VAV1: variants seen among roughly 807,000 people sequenced by gnomAD.
VAV1 encodes proto-oncogene vav.
Under a neutral mutation model 128.1 loss-of-function variants are expected in VAV1, and 33 were observed. The observed-to-expected ratio is 0.26, with a 90% CI of 0.20 to 0.34. VAV1 has a LOEUF of 0.34. Ranked by LOEUF, VAV1 falls within the 10% of genes least tolerant of loss-of-function variation. VAV1 has a pLI of 1.00. For synonymous variants in VAV1, 394 were observed against 409.8 expected, an observed-to-expected ratio of 0.96 and a Z score of 0.47; for missense variants, 715 against 1,093.7, an observed-to-expected ratio of 0.65 and a Z score of 4.88.
rs370716087 is a variant in VAV1 at position 6,820,770 on chromosome 19, C to G, written c.273C>G (p.Ser91Arg). Residue 91 changes from serine to arginine, a missense_variant, in exon 2 of 27, where the codon AGC becomes AGG. Physicochemically the swap from Ser to Arg is moderately radical, Grantham distance 110 (BLOSUM62 -1). Transcript: ENST00000602142. This position sits in a 1 kb window ranked among gnomAD's most constrained non-coding sequence, Gnocchi z 4.4. ...TCCEKFGLKR[S>R]ELFEAFDLFD... ...GTGAGAAGTTCGGCCTCAAGCGGAG[C>G]GAGCTCTTCGAAGCCTTTGACCTCT... 1 of 1,614,078 alleles carries G rather than the reference C, an allele frequency of 6.2e-7. No homozygotes were observed. The highest frequency in any genetic ancestry group is 1.7e-5 in the Admixed American group (1 of 59,996).
chr19:6,822,622 C>T lies in VAV1; in HGVS notation c.654+108C>T. 2.2e-6 allele frequency: 2 copies of T among 924,918 alleles called. No homozygotes were observed. Among genetic ancestry groups the T allele is most frequent in the Non-Finnish European group, 3.2e-6 (2 of 624,938 alleles). 57.3% of individuals were successfully genotyped at this position (924,918 alleles called of 1,614,324 possible). On this transcript the variant is annotated intron_variant, in intron 6 of 26. Transcript: ENST00000602142. The surrounding 1 kb of genome is among the most constrained non-coding windows in gnomAD (Gnocchi z 5.9). ...TGGGCAGCTGAGGATTTCCTGCTCCCATCGCTTTTCCTTTCTGTGACTGTC... is the reference window on the plus strand; with the variant it reads ...TGGGCAGCTGAGGATTTCCTGCTCCTATCGCTTTTCCTTTCTGTGACTGTC...
intron 21 of VAV1, among the ~76,000 whole-genome samples, chr19:6,838,176 C>G (rs1351282535): frequency 6.8e-6 from 1 of 147,454 alleles, no homozygotes; most frequent in Non-Finnish European, 1.5e-5. Flanking sequence ...TATCTATTTA[C>G]CTATCATCTA....
intron 1 of VAV1, among the ~76,000 whole-genome samples, chr19:6,791,958 T>A (rs1971028073): frequency 1.3e-5 from 2 of 150,480 alleles, no homozygotes; most frequent in Non-Finnish European, 3.0e-5. Flanking sequence ...AAGAATGAGG[T>A]TTGGGAGGAA....
intron 1 of VAV1, among the ~76,000 whole-genome samples, chr19:6,816,091 C>T (rs1361987227): frequency 6.7e-6 from 1 of 149,730 alleles, no homozygotes; most frequent in Non-Finnish European, 1.5e-5. Context: ...GCAATCTCGG[C>T]TCACTGCAAG....
intron 21 of VAV1, among the ~76,000 whole-genome samples, chr19:6,838,996 G>T (rs142210698): frequency 1.3e-5 from 2 of 151,938 alleles, no homozygotes; most frequent in Non-Finnish European, 1.5e-5. Flanking sequence ...TCCGCCTTCC[G>T]GTTTCAAGCG....
intron 1 of VAV1, among the ~76,000 whole-genome samples, chr19:6,818,828 C>A (rs931043342): frequency 7.9e-5 from 12 of 152,052 alleles, no homozygotes; most frequent in Non-Finnish European, 1.5e-4. Flanking sequence ...AAAGTAGAAA[C>A]AAACTGGCCG....
At chr19:6,824,818 C>A (rs544072658) in intron 6 of VAV1, among the ~76,000 whole-genome samples, 4 of 152,232 alleles carry the variant, frequency 2.6e-5, no homozygotes, top group Non-Finnish European at 5.9e-5. Flanking sequence ...GCGTGAGCCA[C>A]CGCACCTGGC....
At chr19:6,791,307 G>T (rs1243567197) in intron 1 of VAV1, among the ~76,000 whole-genome samples, 1 of 151,982 alleles carries the variant, frequency 6.6e-6, no homozygotes, top group African/African-American at 2.4e-5. Context: ...TCATCTTAAG[G>T]TCCTTGAGTT....
chr19:6,817,056 T>C (rs1034158174), intron 1 of VAV1, among the ~76,000 whole-genome samples: 2 of 151,978 alleles, frequency 1.3e-5, no homozygotes, highest in Admixed American at 6.6e-5. Flanking sequence ...ATGCATTTTT[T>C]TTTTCTTTTG....
chr19:6,814,671 C>CCTTCTTTCTTTCTTT, intron 1 of VAV1, among the ~76,000 whole-genome samples: 2 of 25,796 alleles, frequency 7.8e-5, no homozygotes, highest in South Asian at 1.4e-3. Flanking sequence ...TTCCTTCCTT[C>CCTTCTTTCTTTCTTT]CTTTCTTTCT....
In VAV1 at chr19:6,807,663, A is replaced by C. The variant is rs150645363; in HGVS notation, c.205-13039A>C. 7.7e-3 allele frequency among the ~76,000 whole-genome samples: 1,166 copies of C among 152,018 alleles called. 13 individuals are homozygous for C. The highest frequency in any genetic ancestry group is 0.026 in the African/African-American group (1,099 of 41,480). On this transcript the variant is annotated intron_variant, in intron 1 of 26. Transcript: ENST00000602142. ...GGAGGTGGAGGCTGCAGTGAGCTGTAATCATGCCACTGCACTCAACTGGGC... is the reference window on the plus strand; with the variant it reads ...GGAGGTGGAGGCTGCAGTGAGCTGTCATCATGCCACTGCACTCAACTGGGC...
At chr19:6,839,499 C>G (rs527789103) in intron 21 of VAV1, among the ~76,000 whole-genome samples, 182 of 151,872 alleles carry the variant, frequency 1.2e-3, no homozygotes, top group Middle Eastern at 3.4e-3. Flanking sequence ...AACTCCTGAC[C>G]TCAAATGATC....
chr19:6,793,746 C>CA (rs1971068522), intron 1 of VAV1, among the ~76,000 whole-genome samples: 1 of 152,076 alleles, frequency 6.6e-6, no homozygotes, highest in Non-Finnish European at 1.5e-5. Context: ...AATCAGAAGT[C>CA]AACATGGCAA....
intron 13 of VAV1, among the ~76,000 whole-genome samples, 189 bp from the exon 14 acceptor site, chr19:6,829,597 C>A (rs2303819): frequency 6.6e-6 from 1 of 151,872 alleles, no homozygotes; most frequent in Admixed American, 6.6e-5. Flanking sequence ...ATGGGTGGAG[C>A]GAAGACTGAC....
At chr19:6,813,103 T>C (rs2660482) in intron 1 of VAV1, among the ~76,000 whole-genome samples, 8,614 of 152,338 alleles carry the variant, frequency 0.057, 348 homozygotes, top group African/African-American at 0.11. Flanking sequence ...ATTATGCTTA[T>C]GGATTATTTG....
intron 22 of VAV1, among the ~76,000 whole-genome samples, chr19:6,847,395 G>A (rs1162694106): frequency 6.6e-6 from 1 of 152,046 alleles, no homozygotes; most frequent in East Asian, 1.9e-4. Flanking sequence ...TCCTATGAAT[G>A]GAAATCACAC....
At chr19:6,785,641 GTTTCTTTCTTTC>G in intron 1 of VAV1, among the ~76,000 whole-genome samples, 1 of 142,966 alleles carries the variant, frequency 7.0e-6, no homozygotes, top group Non-Finnish European at 1.5e-5. Flanking sequence ...CAGTGGCCAG[GTTTCTTTCTTTC>G]TTTCTTTCTT....
chr19:6,824,829 C>T (rs1373533537), intron 6 of VAV1, among the ~76,000 whole-genome samples: 4 of 152,098 alleles, frequency 2.6e-5, no homozygotes, highest in Admixed American at 6.6e-5. Context: ...CGCACCTGGC[C>T]GGACCACATT....
At chr19:6,814,655 CCTTCCTTCCTTCCTTCCTTT>C (rs1453658116) in intron 1 of VAV1, among the ~76,000 whole-genome samples, 14 of 44,808 alleles carry the variant, frequency 3.1e-4, no homozygotes, top group African/African-American at 2.5e-3. Context: ...TTCCTTCCTT[CCTTCCTTCCTTCCTTCCTTT>C]CTTTCTTTCT....
Sources: gnomAD v4.1 joint callset for allele counts (sites outside exome capture counted in the v4.1 genomes callset) on GRCh38, gnomAD v4.1.1 for gene constraint, Gnocchi (gnomAD v3.1) non-coding constraint, MANE v1.5 for transcripts, NCBI Gene and HGNC (gene_info 2026-07-23, HGNC 2026-07-21) for gene names.